The following CTNNA3 variants were observed in gnomAD, a reference collection of about 807,000 sequenced individuals.
CTNNA3 encodes the protein catenin alpha 3.
CTNNA3 carries 76 observed loss-of-function variants against 95.7 expected under a neutral mutation model. That is an observed-to-expected ratio of 0.79 (90% CI 0.66 to 0.96). The LOEUF is 0.96. CTNNA3 is among the 40% of genes least tolerant of loss of function. The probability of loss-of-function intolerance (pLI) is 0.00; values close to 1 mark genes in which losing one functional copy is unlikely to be tolerated. For missense variants in CTNNA3, 1,191 were observed against 1,089.8 expected, an observed-to-expected ratio of 1.09 and a Z score of -1.31; for synonymous variants, 431 against 374.4, an observed-to-expected ratio of 1.15 and a Z score of -1.74.
intron 6 of CTNNA3, among the ~76,000 whole-genome samples, chr10:67,211,565 T>C (rs1864140200): frequency 6.6e-6 from 1 of 152,206 alleles, no homozygotes; most frequent in African/African-American, 2.4e-5. Flanking sequence ...TTTCAATAAA[T>C]ATGTTTAAAG....
intron 9 of CTNNA3, among the ~76,000 whole-genome samples, chr10:66,701,385 C>T (rs1012718795): frequency 3.9e-5 from 6 of 152,190 alleles, no homozygotes; most frequent in African/African-American, 1.4e-4. Context: ...CAATTACTAG[C>T]CAAATGAATG....
At chr10:67,371,182 G>T (rs1445850276) in intron 5 of CTNNA3, among the ~76,000 whole-genome samples, 2 of 151,618 alleles carry the variant, frequency 1.3e-5, no homozygotes, top group Non-Finnish European at 2.9e-5. Context: ...AAGTTTTACA[G>T]CAAGAAATTG....
chr10:67,357,175 T>C lies in CTNNA3; in HGVS notation c.580-137305A>G, dbSNP rs1209275919. On this transcript the variant is annotated intron_variant, in intron 5 of 17. Coordinates refer to ENST00000433211, the MANE Select transcript of CTNNA3 (RefSeq NM_013266.4). ...TCTTATCTAAGAAAACCTCTCCACA[T>C]GTATCCTAACTTTTAACTCTCCTCA... Among the ~76,000 whole-genome samples, 3 of 152,104 alleles carry C rather than the reference T, an allele frequency of 2.0e-5. 1 individual carries two copies. The East Asian group carries it at 5.8e-4, about 29-fold the overall frequency.
At chr10:67,158,374 T>C (rs1307595698) in intron 7 of CTNNA3, among the ~76,000 whole-genome samples, 1 of 152,202 alleles carries the variant, frequency 6.6e-6, no homozygotes, top group African/African-American at 2.4e-5. Flanking sequence ...GGTTGCAAGC[T>C]GTTTTAGAAA....
At chr10:66,178,442 T>C (rs190340527) in intron 13 of CTNNA3, among the ~76,000 whole-genome samples, 2,028 of 95,404 alleles carry the variant, frequency 0.021, 94 homozygotes, top group East Asian at 0.15. Flanking sequence ...TATATATATA[T>C]ACACACACAG....
chr10:66,173,280 G>T (rs77212346), intron 13 of CTNNA3, among the ~76,000 whole-genome samples: 1,852 of 151,546 alleles, frequency 0.012, 20 homozygotes, highest in Middle Eastern at 0.048. Context: ...GAGATATTTT[G>T]AGAAAACCCA....
intron 13 of CTNNA3, among the ~76,000 whole-genome samples, chr10:66,234,567 T>C (rs1051653704): frequency 6.6e-6 from 1 of 152,224 alleles, no homozygotes; most frequent in Non-Finnish European, 1.5e-5. Flanking sequence ...ATCTAATTTT[T>C]ATAAAATTGT....
chr10:67,553,378 A>G (rs2133233837), intron 3 of CTNNA3, among the ~76,000 whole-genome samples: 2 of 152,266 alleles, frequency 1.3e-5, no homozygotes, highest in South Asian at 4.1e-4. Flanking sequence ...TGCTTCTTTT[A>G]TTAGAAATGA....
intron 5 of CTNNA3, among the ~76,000 whole-genome samples, chr10:67,335,226 G>C (rs1308902297): frequency 6.6e-6 from 1 of 152,128 alleles, no homozygotes. Context: ...GAGTGAGTGT[G>C]GGAGTGTGTG....
chr10:66,171,503 G>A lies in CTNNA3; in HGVS notation c.1885-68254C>T, dbSNP rs374010409. On this transcript the variant is annotated intron_variant, in intron 13 of 17. Transcript: ENST00000433211. ...GGAAGTTGCAGTGAGCAGAGATCGC[G>A]CCACTGCACTCCAGCCTGGGTGATA... Among the ~76,000 whole-genome samples, 9 of 150,502 alleles carry A rather than the reference G, an allele frequency of 6.0e-5. No individual in the cohort carries two copies. In the East Asian group the frequency reaches 1.6e-3, roughly 26 times the overall value.
chr10:67,503,483 C>T (rs930118463), intron 5 of CTNNA3, among the ~76,000 whole-genome samples: 22 of 152,044 alleles, frequency 1.4e-4, no homozygotes, highest in East Asian at 1.9e-4. Flanking sequence ...TTCTCTCTTT[C>T]GTTTAATGGT....
At chr10:66,114,319 G>T (rs962057905) in intron 13 of CTNNA3, among the ~76,000 whole-genome samples, 3 of 151,838 alleles carry the variant, frequency 2.0e-5, no homozygotes, top group African/African-American at 7.3e-5. Context: ...TAATAGCAGA[G>T]AAAATGCACT....
chr10:66,919,859 A>G (rs1372903314), intron 7 of CTNNA3, among the ~76,000 whole-genome samples: 1 of 152,226 alleles, frequency 6.6e-6, no homozygotes, highest in East Asian at 1.9e-4. Flanking sequence ...AGGAAACTCT[A>G]TATTGGCATT....
chr10:67,225,418 C>A (rs945037721), intron 5 of CTNNA3, among the ~76,000 whole-genome samples: 3 of 152,172 alleles, frequency 2.0e-5, no homozygotes, highest in Admixed American at 1.3e-4. Context: ...GGCCAACCAG[C>A]ACAAAAATAG....
chr10:67,428,794 A>G (rs1007248294), intron 5 of CTNNA3, among the ~76,000 whole-genome samples: 1 of 151,944 alleles, frequency 6.6e-6, no homozygotes, highest in African/African-American at 2.4e-5. Context: ...AAGGGGAGAG[A>G]TGGGGCTAGC....
intron 1 of CTNNA3, among the ~76,000 whole-genome samples, chr10:67,656,139 T>G (rs1840018328): frequency 6.6e-6 from 1 of 152,198 alleles, no homozygotes; most frequent in Non-Finnish European, 1.5e-5. Flanking sequence ...GTGCAATAAT[T>G]TGCTGGTATG....
At chr10:66,341,961 G>A (rs1225320991) in intron 12 of CTNNA3, among the ~76,000 whole-genome samples, 1 of 151,226 alleles carries the variant, frequency 6.6e-6, no homozygotes, top group Non-Finnish European at 1.5e-5. Flanking sequence ...GTGTGTGTGT[G>A]TATATATATA....
intron 5 of CTNNA3, among the ~76,000 whole-genome samples, chr10:67,241,774 C>T (rs1426129194): frequency 6.6e-6 from 1 of 152,166 alleles, no homozygotes; most frequent in African/African-American, 2.4e-5. Flanking sequence ...AAAGCGGTAT[C>T]CCTTGTTGTC....
chr10:67,746,375 A>T (rs1841375048), intron 1 of CTNNA3, among the ~76,000 whole-genome samples: 1 of 152,202 alleles, frequency 6.6e-6, no homozygotes. Flanking sequence ...CTATATGCAC[A>T]TGAATGAAAC....
Sources: gnomAD v4.1 joint callset for allele counts (sites outside exome capture counted in the v4.1 genomes callset) on GRCh38, gnomAD v4.1.1 for gene constraint, MANE v1.5 for transcripts, NCBI Gene and HGNC (gene_info 2026-07-23, HGNC 2026-07-21) for gene names.